TMEM266: variants seen among roughly 807,000 people sequenced by gnomAD.
The protein encoded by TMEM266 is transmembrane protein 266.
Under a neutral mutation model 50.5 loss-of-function variants are expected in TMEM266, and 33 were observed. The observed-to-expected ratio is 0.65, with a 90% CI of 0.50 to 0.87. TMEM266 has a LOEUF of 0.87. Ranked by LOEUF, TMEM266 falls within the 40% of genes least tolerant of loss-of-function variation. TMEM266 has a pLI of 0.00. For synonymous variants in TMEM266, 310 were observed against 292.3 expected (o/e 1.06, Z -0.62); for missense variants, 655 against 695.1 (o/e 0.94, Z 0.65).
chr15:76,194,676 G>A (rs1274635527), intron 9 of TMEM266, among the ~76,000 whole-genome samples: 1 of 152,130 alleles, frequency 6.6e-6, no homozygotes, highest in African/African-American at 2.4e-5. Context: ...TCCTGGTGGC[G>A]GCTGGCAATC....
intron 3 of TMEM266, among the ~76,000 whole-genome samples, chr15:76,140,067 CCAAA>C (rs1330169892): frequency 6.6e-6 from 1 of 152,232 alleles, no homozygotes; most frequent in East Asian, 1.9e-4. Flanking sequence ...AGGTTCCTTC[CCAAA>C]CAAACGAATC....
At chr15:76,072,159 C>A (rs540473078) in intron 1 of TMEM266, among the ~76,000 whole-genome samples, 9 of 152,130 alleles carry the variant, frequency 5.9e-5, no homozygotes, top group African/African-American at 1.9e-4. Context: ...ACTGGACCGG[C>A]CGGGTGCGGT....
In TMEM266 at chr15:76,086,933, G is replaced by GGGT. The variant is rs1555445659; in HGVS notation, c.-97+26919_-97+26920insTGG. Among the ~76,000 whole-genome samples the GGGT allele has an allele frequency of 3.4e-3, 115 of 34,082 alleles. 3 individuals are homozygous for GGGT. The highest frequency in any genetic ancestry group is 8.6e-3 in the African/African-American group (112 of 12,966). The allele number at this position is 34,082 out of a possible 152,430, so 22.4% of individuals were successfully genotyped here. ...TGCAGAAAAAGGGAGCAGGTCGGGG[G>GGGT]GGGGGCGGTGGTGTTGCAAAGGGAG... On this transcript the variant is annotated intron_variant, in intron 1 of 10. Transcript: ENST00000388942.
chr15:76,188,184 T>A (rs906029709), intron 8 of TMEM266, among the ~76,000 whole-genome samples: 8 of 150,338 alleles, frequency 5.3e-5, no homozygotes, highest in African/African-American at 1.9e-4. Context: ...AATAAAGACA[T>A]ACCCAAGACT....
intron 8 of TMEM266, chr15:76,176,612 C>CAGAG (rs2038286707): frequency 6.6e-6 from 1 of 152,300 alleles, no homozygotes; most frequent in Admixed American, 6.5e-5. Flanking sequence ...CTGCGCAAGC[C>CAGAG]AGAGACGCTA....
rs549294049 is a variant in TMEM266, at chr15:76,162,163, G to T, written c.456+1995G>T. 1.1e-4 allele frequency among the ~76,000 whole-genome samples: 17 copies of T among 152,262 alleles called. No homozygotes were observed. The South Asian group carries it at 3.3e-3, about 30-fold the overall frequency. ...GGGAGAGCAGGGTCTGCAGGAGACT[G>T]GGGAGGAAGGGCTGGCTCCGTTACC... On this transcript the variant is annotated intron_variant, in intron 5 of 10. Coordinates refer to ENST00000388942, the MANE Select transcript of TMEM266 (RefSeq NM_152335.3).
intron 1 of TMEM266, among the ~76,000 whole-genome samples, chr15:76,080,645 T>C (rs1160326043): frequency 6.6e-6 from 1 of 152,132 alleles, no homozygotes; most frequent in African/African-American, 2.4e-5. Flanking sequence ...ACTCTACAGA[T>C]GGAGCTAGTT....
At chr15:76,078,128 T>C (rs941112126) in intron 1 of TMEM266, among the ~76,000 whole-genome samples, 7 of 152,186 alleles carry the variant, frequency 4.6e-5, no homozygotes, top group Admixed American at 2.6e-4. Flanking sequence ...GCAGCGAATG[T>C]CGCCGACTCT....
Position 76,192,058 on chromosome 15 carries a change from C to A in TMEM266, c.859C>A (p.Leu287Ile). ...AGCGGCGCTCCAGGCCCCGCACGTGCTCAGCCAGCCGCGCAGCCGCTTCAA... is the reference window on the plus strand; with the variant it reads ...AGCGGCGCTCCAGGCCCCGCACGTGATCAGCCAGCCGCGCAGCCGCTTCAA... The change falls in exon 9 of 11, where the codon CTC becomes ATC. Residue 287 changes from leucine to isoleucine, a missense_variant. Leu to Ile is a conservative substitution (Grantham distance 5). This residue lies in a region of TMEM266 where 455 missense variants were observed against 401.8 expected (regional missense o/e 1.13). Transcript: ENST00000388942. 1 of 1,512,724 alleles carries A rather than the reference C, an allele frequency of 6.6e-7. No individual in the cohort carries two copies. The highest frequency in any genetic ancestry group is 1.3e-5 in the South Asian group (1 of 79,176). The allele number at this position is 1,512,724 out of a possible 1,614,324, so 93.7% of individuals were successfully genotyped here. A position where few individuals can be genotyped will look rare whatever the true frequency, so the allele number is the denominator to read the frequency against.
At chr15:76,142,425 T>C (rs1490048098) in intron 3 of TMEM266, among the ~76,000 whole-genome samples, 1 of 152,218 alleles carries the variant, frequency 6.6e-6, no homozygotes, top group Admixed American at 6.5e-5. Flanking sequence ...CTGCTTTCAA[T>C]GCTTTTGGGT....
chr15:76,161,995 G>A lies in TMEM266; in HGVS notation c.456+1827G>A, dbSNP rs573014310. On this transcript the variant is annotated intron_variant, in intron 5 of 10. Transcript: ENST00000388942. The surrounding 1 kb of genome is among the most constrained non-coding windows in gnomAD (Gnocchi z 4.1). ...GCTTTTGCAGAATTTATTGCCCAGC[G>A]TTAATTTGGCATTCCCTTCCTGTCA... is the stretch of plus-strand genomic sequence containing the variant. Among the ~76,000 whole-genome samples, 8 of 152,330 alleles carry A rather than the reference G, an allele frequency of 5.3e-5. No individual in the cohort carries two copies. In the South Asian group the frequency reaches 8.3e-4, roughly 16 times the overall value.
chr15:76,080,765 A>G (rs2036679856), intron 1 of TMEM266, among the ~76,000 whole-genome samples: 2 of 151,258 alleles, frequency 1.3e-5, no homozygotes, highest in Admixed American at 1.3e-4. Context: ...CTTTTTTTTT[A>G]GGAGACTGTC....
chr15:76,158,062 T>C (rs1237720339), intron 4 of TMEM266, among the ~76,000 whole-genome samples: 2 of 152,168 alleles, frequency 1.3e-5, no homozygotes, highest in Non-Finnish European at 2.9e-5. Context: ...GAGATTCTTT[T>C]CCTTCCATTG....
Position 76,175,730 on chromosome 15 carries a change from G to A in TMEM266, c.768+56G>A, listed in dbSNP as rs186208925. On this transcript the variant is annotated intron_variant, in intron 8 of 10. Coordinates refer to ENST00000388942, the MANE Select transcript of TMEM266 (RefSeq NM_152335.3). ...TGGTCTTGCTGGGGACACTGGTAGTGCCTAAAGCCATGGGTTGCTAGAGCT... is the reference window on the plus strand; with the variant it reads ...TGGTCTTGCTGGGGACACTGGTAGTACCTAAAGCCATGGGTTGCTAGAGCT... 95 of 1,426,306 alleles carry A rather than the reference G, an allele frequency of 6.7e-5. No homozygotes were observed. The African/African-American group carries it at 1.2e-3, about 18-fold the overall frequency. 88.4% of individuals were successfully genotyped at this position (1,426,306 alleles called of 1,614,324 possible).
chr15:76,083,233 C>CTTT (rs3068737), intron 1 of TMEM266, among the ~76,000 whole-genome samples: 2,100 of 136,194 alleles, frequency 0.015, 75 homozygotes, highest in African/African-American at 0.055. Flanking sequence ...TGCTGATACT[C>CTTT]TTTTTTTTTT....
chr15:76,162,149 G>A (rs1197318169), intron 5 of TMEM266, among the ~76,000 whole-genome samples: 1 of 152,192 alleles, frequency 6.6e-6, no homozygotes, highest in African/African-American at 2.4e-5. Context: ...GGAGAGCAGG[G>A]TCTGCAGGAG....
intron 2 of TMEM266, 106 bp from the exon 3 acceptor site, chr15:76,137,601 G>C: frequency 8.5e-7 from 1 of 1,170,430 alleles, no homozygotes; most frequent in Non-Finnish European, 1.3e-6. Flanking sequence ...AGCTTCCTCA[G>C]CCCTCCACTG....
At chr15:76,071,751 G>T (rs1329631001) in intron 1 of TMEM266, among the ~76,000 whole-genome samples, 1 of 152,148 alleles carries the variant, frequency 6.6e-6, no homozygotes, top group East Asian at 1.9e-4. Context: ...ACCCCAGAAA[G>T]CAAGAAGCAG....
chr15:76,093,813 G>T (rs2141999595), intron 1 of TMEM266, among the ~76,000 whole-genome samples: 1 of 152,204 alleles, frequency 6.6e-6, no homozygotes, highest in East Asian at 1.9e-4. Flanking sequence ...CATTTTAACT[G>T]GTGGGAGATG....
Sources: gnomAD v4.1 joint callset for allele counts (sites outside exome capture counted in the v4.1 genomes callset) on GRCh38, gnomAD v4.1.1 for gene constraint, gnomAD v4.1.1 regional missense constraint, Gnocchi (gnomAD v3.1) non-coding constraint, MANE v1.5 for transcripts, NCBI Gene and HGNC (gene_info 2026-07-23, HGNC 2026-07-21) for gene names.